YTHDC2: variants seen among roughly 807,000 people sequenced by gnomAD.
The protein encoded by YTHDC2 is 3'-5' RNA helicase YTHDC2.
YTHDC2 carries 45 observed loss-of-function variants against 174.9 expected under a neutral mutation model. The observed-to-expected ratio is 0.26, with a 90% CI of 0.20 to 0.33. YTHDC2 has a LOEUF of 0.33. YTHDC2 is among the 10% of genes least tolerant of loss of function. The pLI, the probability that YTHDC2 is intolerant of heterozygous loss-of-function variation, is 1.00. For missense variants in YTHDC2, 1,650 were observed against 1,723.7 expected (o/e 0.96, Z 0.76); for synonymous variants, 657 against 574.5 (o/e 1.14, Z -2.05).
chr5:113,564,908 G>A (rs1466489109), intron 20 of YTHDC2, among the ~76,000 whole-genome samples: 3 of 152,132 alleles, frequency 2.0e-5, no homozygotes, highest in Non-Finnish European at 4.4e-5. Context: ...CAGCCTCCCA[G>A]GTTCAAGCAG....
intron 17 of YTHDC2, among the ~76,000 whole-genome samples, chr5:113,558,783 G>T (rs182771786): frequency 6.6e-6 from 1 of 151,860 alleles, no homozygotes; most frequent in Non-Finnish European, 1.5e-5. Flanking sequence ...TTAGCCAGGT[G>T]TGGGGGTGGG....
chr5:113,563,647 C>T (rs2112718567), intron 19 of YTHDC2, among the ~76,000 whole-genome samples, 155 bp downstream of exon 19: 1 of 152,254 alleles, frequency 6.6e-6, no homozygotes, highest in East Asian at 1.9e-4. Context: ...AAACAATTAT[C>T]TTAAATGATC....
chr5:113,517,588 A>T (rs2112515924), intron 2 of YTHDC2: 1 of 456,320 alleles, frequency 2.2e-6, no homozygotes, highest in Non-Finnish European at 4.4e-6. Flanking sequence ...GAAAAAGGAA[A>T]GAGATGCTAA....
intron 23 of YTHDC2, among the ~76,000 whole-genome samples, chr5:113,579,036 A>G (rs1778235964): frequency 6.6e-6 from 1 of 151,866 alleles, no homozygotes; most frequent in South Asian, 2.1e-4. Flanking sequence ...CCTTTATTAA[A>G]TTTACAGAGG....
chr5:113,563,800 ATG>A (rs1777162363), intron 19 of YTHDC2, 57 bp from the exon 20 acceptor site: 1 of 1,563,780 alleles, frequency 6.4e-7, no homozygotes, highest in African/African-American at 1.4e-5. Context: ...GTTTTTAATT[ATG>A]TGTTTTGATT....
In YTHDC2 at chr5:113,591,080, C is replaced by T. The variant is rs1778980198; in HGVS notation, c.3865C>T (p.Arg1289Ter). Residue 1289 changes from arginine (R) to a stop codon, truncating the protein, a stop_gained, in exon 27 of 30, where the codon CGA (arginine) becomes TGA (stop). Coordinates refer to ENST00000161863, the MANE Select transcript of YTHDC2 (RefSeq NM_022828.5). LOFTEE classifies it high-confidence loss of function. The part of the protein sequence containing the change: ...SPSPRPNMPV[R>*]YFIMKSSNLR... The stretch of plus-strand genomic sequence containing the variant: ...TTCGCCAAGACCAAACATGCCTGTT[C>T]GATACTTCATAATGAAGAGTAGCAA... The T allele has an allele frequency of 1.2e-6, 2 of 1,613,718 alleles. No homozygotes were observed. The highest frequency in any genetic ancestry group is 1.3e-5 in the African/African-American group (1 of 74,882).
At chr5:113,514,519 C>T (rs746651557) in intron 1 of YTHDC2, among the ~76,000 whole-genome samples, 2 of 152,214 alleles carry the variant, frequency 1.3e-5, no homozygotes, top group Non-Finnish European at 2.9e-5. Context: ...AAGCATCACG[C>T]TACCCACTTA....
At chr5:113,548,895 T>G in intron 11 of YTHDC2, 60 bp from the exon 12 acceptor site, 1 of 1,502,862 alleles carries the variant, frequency 6.7e-7, no homozygotes, top group Non-Finnish European at 9.1e-7. Flanking sequence ...TTGCCCAGGC[T>G]CATCATGAAC....
rs200075339 is a variant in YTHDC2 at position 113,592,191 on chromosome 5, A to G, written c.4212+13A>G. ...CAGGGATGGGCAGGTATACAATGGC[A>G]TTTTTTTTTTTATTTACTTTTGTTT... On this transcript the variant is annotated intron_variant, in intron 28 of 29. Transcript: ENST00000161863. 432 of 1,383,476 alleles carry G rather than the reference A, an allele frequency of 3.1e-4. 1 individual carries two copies. Among genetic ancestry groups the G allele is most frequent in the Non-Finnish European group, 4.0e-4 (408 of 1,029,866 alleles). The allele number at this position is 1,383,476 out of a possible 1,614,324, so 85.7% of individuals were successfully genotyped here.
At chr5:113,536,781 TTA>T (rs1580516977) in intron 7 of YTHDC2, among the ~76,000 whole-genome samples, 1 of 151,676 alleles carries the variant, frequency 6.6e-6, no homozygotes, top group South Asian at 2.1e-4. Context: ...TAACAGTGTT[TTA>T]TATATATTTG....
At chr5:113,577,193 A>C (rs1335324545) in intron 23 of YTHDC2, among the ~76,000 whole-genome samples, 1 of 152,020 alleles carries the variant, frequency 6.6e-6, no homozygotes, top group Admixed American at 6.6e-5. Flanking sequence ...CTTTTTATTT[A>C]GTATTTTTAT....
rs1779187420 is a variant in YTHDC2, at chr5:113,594,983, A to G, written c.*1509A>G. On this transcript the variant is annotated 3_prime_UTR_variant, in exon 30 of 30. Coordinates refer to ENST00000161863, the MANE Select transcript of YTHDC2 (RefSeq NM_022828.5). ...ACTTTAAGACATACCTGTAAATTGA[A>G]CCTATTTGAATTATATTCCACTGTA... is the stretch of plus-strand genomic sequence containing the variant. 1 of 152,092 alleles carries G rather than the reference A, an allele frequency of 6.6e-6. No homozygotes were observed. Among genetic ancestry groups the G allele is most frequent in the African/African-American group, 2.4e-5 (1 of 41,420 alleles). The allele number at this position is 152,092 out of a possible 1,614,324, so 9.4% of individuals were successfully genotyped here.
chr5:113,566,981 G>T, intron 21 of YTHDC2, 111 bp from the exon 22 acceptor site: 1 of 1,202,592 alleles, frequency 8.3e-7, no homozygotes, highest in Non-Finnish European at 1.1e-6. Flanking sequence ...ATTAATTATC[G>T]TGAAATTTGA....
intron 3 of YTHDC2, among the ~76,000 whole-genome samples, chr5:113,526,139 A>G (rs1004881928): frequency 5.3e-5 from 8 of 152,050 alleles, no homozygotes; most frequent in Non-Finnish European, 7.4e-5. Flanking sequence ...TGTTTTCGTA[A>G]TGTACGTGAC....
intron 4 of YTHDC2, among the ~76,000 whole-genome samples, chr5:113,529,822 T>C (rs1774531189): frequency 6.6e-6 from 1 of 152,210 alleles, no homozygotes; most frequent in South Asian, 2.1e-4. Context: ...TGGTATCTTG[T>C]TCAGTAGTTT....
intron 25 of YTHDC2, 58 bp from the exon 26 acceptor site, chr5:113,584,244 G>A (rs2288449): frequency 0.21 from 308,065 of 1,445,330 alleles, 39,803 homozygotes; most frequent in African/African-American, 0.56. Flanking sequence ...ATACATAACT[G>A]ATCTTTGTAT....
In YTHDC2 at chr5:113,592,104, C is replaced by T. The variant is rs760262802; in HGVS notation, c.4138C>T (p.Pro1380Ser). Residue 1380 changes from proline to serine, a missense_variant, in exon 28 of 30, where the codon CCC (proline) becomes TCC (serine). Pro to Ser is a moderately conservative substitution (Grantham distance 74). Coordinates refer to ENST00000161863, the MANE Select transcript of YTHDC2 (RefSeq NM_022828.5). Reference protein sequence around the residue: ...KVEWIRKESLPFQFAHHLLNP... With the variant: ...KVEWIRKESLSFQFAHHLLNP... The stretch of plus-strand genomic sequence containing the variant: ...GGAGTGGATACGAAAAGAAAGCCTT[C>T]CCTTTCAATTTGCACACCATTTACT... 1.2e-6 allele frequency: 2 copies of T among 1,613,116 alleles called. No homozygotes were observed. The highest frequency in any genetic ancestry group is 1.1e-5 in the South Asian group (1 of 91,010).
intron 20 of YTHDC2, 157 bp from the exon 21 acceptor site, chr5:113,565,736 T>C (rs1777290258): frequency 2.9e-6 from 2 of 686,806 alleles, no homozygotes; most frequent in African/African-American, 3.7e-5. Context: ...AAATTAATGA[T>C]AAATATTATT....
intron 12 of YTHDC2, among the ~76,000 whole-genome samples, chr5:113,552,929 T>G (rs1776344623): frequency 6.6e-6 from 1 of 152,116 alleles, no homozygotes; most frequent in Non-Finnish European, 1.5e-5. Flanking sequence ...TGAACATCTT[T>G]TCATGTGCTT....
Sources: allele counts gnomAD v4.1 joint callset (sites outside exome capture counted in the v4.1 genomes callset), GRCh38; gene constraint gnomAD v4.1.1; transcripts MANE v1.5; gene names NCBI Gene and HGNC (gene_info 2026-07-23, HGNC 2026-07-21).